DIP2C: variants seen among roughly 807,000 people sequenced by gnomAD.
The protein encoded by DIP2C is disco-interacting protein 2 homolog C.
DIP2C carries 33 observed loss-of-function variants against 192.4 expected under a neutral mutation model. The observed-to-expected ratio is 0.17, with a 90% CI of 0.13 to 0.23. The LOEUF (loss-of-function observed/expected upper bound fraction) is 0.23, where lower values mean the gene tolerates loss of function less well. DIP2C is among the 10% of genes least tolerant of loss of function. The pLI is 1.00. For missense variants in DIP2C, 1,537 were observed against 2,110.1 expected (o/e 0.73, Z 5.32); for synonymous variants, 979 against 864.1 (o/e 1.13, Z -2.33).
intron 1 of DIP2C, among the ~76,000 whole-genome samples, chr10:600,587 C>CCCTGTCCACCTTAA (rs1852004003): frequency 2.9e-5 from 3 of 104,652 alleles, no homozygotes; most frequent in East Asian, 6.4e-4. Context: ...GACCCCACAG[C>CCCTGTCCACCTTAA]AGCCCTCTCC....
intron 14 of DIP2C, among the ~76,000 whole-genome samples, chr10:385,264 T>A (rs1000171754): frequency 1.3e-5 from 2 of 152,026 alleles, no homozygotes; most frequent in African/African-American, 4.8e-5. Context: ...ATGGCAGGGA[T>A]GGCTGGTCTG....
chr10:503,525 G>A (rs764967532), intron 1 of DIP2C, among the ~76,000 whole-genome samples: 34 of 152,272 alleles, frequency 2.2e-4, no homozygotes, highest in African/African-American at 5.5e-4. Context: ...TAAAGCTGGC[G>A]GAAAACCATG....
chr10:565,180 A>G (rs1275154467), intron 1 of DIP2C, among the ~76,000 whole-genome samples: 1 of 152,124 alleles, frequency 6.6e-6, no homozygotes, highest in Non-Finnish European at 1.5e-5. Flanking sequence ...AGGCAAGAGA[A>G]CACGTCCATT....
intron 17 of DIP2C, among the ~76,000 whole-genome samples, chr10:372,758 C>T (rs527903974): frequency 7.5e-4 from 114 of 151,430 alleles, no homozygotes; most frequent in African/African-American, 2.4e-3. Context: ...ACGGGTGCTC[C>T]CGACACACAG....
chr10:284,725 T>G (rs1564504541), intron 34 of DIP2C, among the ~76,000 whole-genome samples: 1 of 152,128 alleles, frequency 6.6e-6, no homozygotes, highest in Non-Finnish European at 1.5e-5. Flanking sequence ...GATAACAGAA[T>G]AGATCCTAAA....
At chr10:416,167 C>T (rs780748639) in intron 6 of DIP2C, among the ~76,000 whole-genome samples, 4 of 152,042 alleles carry the variant, frequency 2.6e-5, no homozygotes, top group Non-Finnish European at 4.4e-5. Context: ...ACCTGCTTGA[C>T]CCCAGCTCTG....
At position 418,011 on chromosome 10, in the gene DIP2C, CGCGGACAGGCCTCCCTGTCCACCTG is replaced by C. The variant is rs1965874687; in HGVS notation, c.739+1029_739+1053del. ...CCCTGTCCACCTGCACCTGTCAGGG[CGCGGACAGGCCTCCCTGTCCACCTG>C]TTCCTGTCAGGGCTTCGATAGGCCT... is the stretch of plus-strand genomic sequence containing the variant. On this transcript the variant is annotated intron_variant, in intron 6 of 36. Transcript: ENST00000280886. Among the ~76,000 whole-genome samples the C allele has an allele frequency of 8.2e-5, 7 of 85,332 alleles. 2 individuals carry two copies. The highest frequency in any genetic ancestry group is 2.0e-4 in the Admixed American group (2 of 9,782). 56.0% of individuals were successfully genotyped at this position (85,332 alleles called of 152,430 possible). A position where few individuals can be genotyped will look rare whatever the true frequency, so the allele number is the denominator to read the frequency against.
rs372831875 is a variant in DIP2C at position 418,285 on chromosome 10, C to T, written c.739+780G>A. On this transcript the variant is annotated intron_variant, in intron 6 of 36. Coordinates refer to ENST00000280886, the MANE Select transcript of DIP2C (RefSeq NM_014974.3). The stretch of plus-strand genomic sequence containing the variant: ...CTGTCAGGCCTCAGATAGGCATCCC[C>T]GTCCACCTGTCGGAGCTCGGATAGG... 4.9e-3 allele frequency among the ~76,000 whole-genome samples: 689 copies of T among 141,720 alleles called. 13 individuals are homozygous for T. The highest frequency in any genetic ancestry group is 0.026 in the Middle Eastern group (7 of 272). 93.0% of individuals were successfully genotyped at this position (141,720 alleles called of 152,430 possible).
chr10:528,116 A>G (rs2130847217), intron 1 of DIP2C, among the ~76,000 whole-genome samples: 1 of 152,302 alleles, frequency 6.6e-6, no homozygotes, highest in East Asian at 1.9e-4. Context: ...CCAGCCTGGA[A>G]CATCCCCCCT....
chr10:485,862 G>C (rs572097632), intron 2 of DIP2C, among the ~76,000 whole-genome samples: 2 of 152,362 alleles, frequency 1.3e-5, no homozygotes, highest in East Asian at 3.9e-4. Context: ...GCTGGGAACT[G>C]AGGTGCTAGA....
intron 1 of DIP2C, among the ~76,000 whole-genome samples, chr10:517,186 TCTC>T (rs1285302958): frequency 1.3e-5 from 2 of 152,050 alleles, no homozygotes; most frequent in Non-Finnish European, 2.9e-5. Flanking sequence ...CCAAGCCCCT[TCTC>T]CTTTTCCCTT....
At chr10:375,630 A>G (rs145141892) in intron 17 of DIP2C, among the ~76,000 whole-genome samples, 6 of 152,316 alleles carry the variant, frequency 3.9e-5, no homozygotes, top group East Asian at 1.9e-4. Flanking sequence ...CCTTGCCCGC[A>G]TAACACCTTG....
intron 1 of DIP2C, chr10:628,973 T>C (rs926100789): frequency 2.6e-5 from 4 of 152,254 alleles, no homozygotes; most frequent in East Asian, 1.9e-4. Context: ...CACAGCTTAA[T>C]AGGAAAGTTG....
chr10:356,383 C>T (rs1325799489), intron 24 of DIP2C, 43 bp downstream of exon 24: 1 of 1,603,724 alleles, frequency 6.2e-7, no homozygotes, highest in Admixed American at 1.7e-5. Context: ...CAGGCTAGGC[C>T]CCTTGAGGCC....
At chr10:350,251 T>A (rs542576482) in intron 24 of DIP2C, among the ~76,000 whole-genome samples, 76 of 151,874 alleles carry the variant, frequency 5.0e-4, no homozygotes, top group East Asian at 4.1e-3. Flanking sequence ...TGGCTAATTT[T>A]AAAAAAAAAT....
At chr10:609,458 A>G (rs931768444) in intron 1 of DIP2C, among the ~76,000 whole-genome samples, 1 of 152,228 alleles carries the variant, frequency 6.6e-6, no homozygotes, top group Non-Finnish European at 1.5e-5. Context: ...AGGGCTGACT[A>G]ACATTCAATC....
chr10:575,679 A>C (rs1850105365), intron 1 of DIP2C, among the ~76,000 whole-genome samples: 1 of 152,220 alleles, frequency 6.6e-6, no homozygotes, highest in African/African-American at 2.4e-5. Context: ...AAGCTTGCTC[A>C]GCAGAACTGT....
At chr10:287,669 G>GAAAAAAAAAAA (rs34102226) in intron 33 of DIP2C, among the ~76,000 whole-genome samples, 1 of 124,044 alleles carries the variant, frequency 8.1e-6, no homozygotes. Context: ...GGCCGAAACG[G>GAAAAAAAAAAA]AAAAAAAAAA....
At chr10:466,424 A>C (rs1232374557) in intron 3 of DIP2C, among the ~76,000 whole-genome samples, 1 of 138,426 alleles carries the variant, frequency 7.2e-6, no homozygotes, top group South Asian at 2.7e-4. Context: ...TAGACCTAAA[A>C]CCATAAAAAC....
Sources: gnomAD v4.1 joint callset for allele counts (sites outside exome capture counted in the v4.1 genomes callset) on GRCh38, gnomAD v4.1.1 for gene constraint, MANE v1.5 for transcripts, NCBI Gene and HGNC (gene_info 2026-07-23, HGNC 2026-07-21) for gene names.